The following LAMA1 variants were observed in gnomAD, a reference collection of about 807,000 sequenced individuals.
LAMA1 encodes the protein laminin subunit alpha-1.
LAMA1 carries 219 observed loss-of-function variants against 348.7 expected under a neutral mutation model. The ratio of observed to expected loss-of-function variants is 0.63; its 90% CI spans 0.56 to 0.70. The LOEUF (loss-of-function observed/expected upper bound fraction) is 0.70, where lower values mean the gene tolerates loss of function less well. Among genes scored for constraint, LAMA1 ranks in the 30% least tolerant of loss-of-function variants. LAMA1 has a pLI of 0.00. For synonymous variants in LAMA1, 1,487 were observed against 1,491.0 expected, an observed-to-expected ratio of 1.00 and a Z score of 0.06; for missense variants, 3,744 against 3,888.0, an observed-to-expected ratio of 0.96 and a Z score of 0.99.
At chr18:6,950,046 A>G (rs1442425932) in intron 58 of LAMA1, among the ~76,000 whole-genome samples, 1 of 151,964 alleles carries the variant, frequency 6.6e-6, no homozygotes, top group Admixed American at 6.5e-5. Context: ...TGTAAAACCT[A>G]GGACTGGCAT....
At chr18:7,089,059 G>A (rs1162880735) in intron 1 of LAMA1, among the ~76,000 whole-genome samples, 1 of 151,872 alleles carries the variant, frequency 6.6e-6, no homozygotes, top group East Asian at 1.9e-4. Context: ...TCTGCCAAAG[G>A]GATTAATTGG....
At chr18:6,948,354 A>G (rs1330367050) in intron 60 of LAMA1, 49 bp downstream of exon 60, 2 of 1,612,544 alleles carry the variant, frequency 1.2e-6, no homozygotes, top group African/African-American at 1.3e-5. Context: ...ATCGCTTTAG[A>G]GTACAGACTC....
intron 29 of LAMA1, among the ~76,000 whole-genome samples, chr18:7,003,400 A>G (rs762211113): frequency 1.1e-4 from 17 of 151,948 alleles, no homozygotes; most frequent in Non-Finnish European, 1.6e-4. Flanking sequence ...ACAGGTGCCC[A>G]CCACCACAAC....
Position 7,026,096 on chromosome 18 carries a change from T to C in LAMA1, c.2285A>G (p.His762Arg). 6.2e-7 allele frequency: 1 copy of C among 1,611,390 alleles called. No individual in the cohort carries two copies. Among genetic ancestry groups the C allele is most frequent in the South Asian group, 1.1e-5 (1 of 90,490 alleles). ...NVHGVCIACA[H>R]NTTGVHCEQC... ...CTCACAGTGGACGCCGGTGGTGTTG[T>C]GCGCACACGCCTAGGAACATGCACC... The change falls in exon 17 of 63, where the codon CAC becomes CGC. Residue 762 changes from histidine to arginine, a missense_variant. By Grantham distance (29) the His-to-Arg change is conservative. Around this residue, in one of 3 missense-constraint regions of LAMA1, gnomAD observed 1,529 missense variants for 1,689.4 expected, o/e 0.91. Transcript: ENST00000389658.
chr18:6,961,364 C>T (rs1355387698), intron 53 of LAMA1, among the ~76,000 whole-genome samples: 3 of 152,136 alleles, frequency 2.0e-5, no homozygotes, highest in Admixed American at 1.3e-4. Flanking sequence ...ATAACTTTTT[C>T]CTCAGTCACC....
Position 7,042,182 on chromosome 18 carries a change from G to A in LAMA1, c.1224C>T (p.Val408=), listed in dbSNP as rs1228711533. ...NCDPVGSLSS[V]CIKDDLHSDL... Reference sequence around the variant, plus strand: ...CAGAATGGAGGTCATCCTTAATACAGACAGAACTGAGGGACCCCACAGGGT... The same window carrying A: ...CAGAATGGAGGTCATCCTTAATACAAACAGAACTGAGGGACCCCACAGGGT... The change falls in exon 9 of 63, where the codon GTC becomes GTT. Residue 408 remains valine, a synonymous_variant. Transcript: ENST00000389658. 1.2e-6 allele frequency: 2 copies of A among 1,612,610 alleles called. No individual in the cohort carries two copies. The highest frequency in any genetic ancestry group is 2.2e-5 in the East Asian group (1 of 44,888).
At chr18:6,965,630 T>C (rs1436414535) in intron 49 of LAMA1, 198 bp from the exon 50 acceptor site, 22 of 592,974 alleles carry the variant, frequency 3.7e-5, no homozygotes, top group Non-Finnish European at 6.3e-5. Flanking sequence ...ATAAATGAAA[T>C]GTCATCTGTT....
At chr18:7,039,494 C>T (rs1031536366) in intron 10 of LAMA1, among the ~76,000 whole-genome samples, 24 of 152,252 alleles carry the variant, frequency 1.6e-4, no homozygotes, top group Admixed American at 1.3e-3. Context: ...AGCATATCTG[C>T]GTTTAATTGG....
At chr18:6,994,648 G>A (rs1333834309) in intron 34 of LAMA1, among the ~76,000 whole-genome samples, 1 of 149,720 alleles carries the variant, frequency 6.7e-6, no homozygotes, top group African/African-American at 2.5e-5. Flanking sequence ...ACATCCATAT[G>A]TATAGATACA....
At chr18:7,014,948 G>C (rs192966309) in intron 22 of LAMA1, among the ~76,000 whole-genome samples, 1 of 151,932 alleles carries the variant, frequency 6.6e-6, no homozygotes, top group African/African-American at 2.4e-5. Context: ...CCGGGTTCAC[G>C]TCGTTCTCCT....
At position 6,997,875 on chromosome 18, in the gene LAMA1, T is replaced by C. The variant is rs1397230461; in HGVS notation, c.4673A>G (p.Asp1558Gly). ...LMETDCVSCD[D>G]ECVGVLLNDL... ...ATTCAGCAGCACACCTACACACTCA[T>C]CATCACAGGCTACAAGACAAATTTT... Residue 1558 changes from aspartate to glycine, a missense_variant, in exon 33 of 63, where the codon GAT becomes GGT. Physicochemically the swap from Asp to Gly is moderately conservative, Grantham distance 94 (BLOSUM62 -1). Coordinates refer to ENST00000389658, the MANE Select transcript of LAMA1 (RefSeq NM_005559.4). 2 of 1,614,116 alleles carry C rather than the reference T, an allele frequency of 1.2e-6. No homozygotes were observed. The highest frequency in any genetic ancestry group is 1.1e-5 in the South Asian group (1 of 91,078).
rs73390531 is a variant in LAMA1 at position 6,959,383 on chromosome 18, C to T, written c.7736G>A (p.Ser2579Asn). ...ALLHAPTGTCSDGQAHSISLV... is the reference protein window; with the variant it reads ...ALLHAPTGTCNDGQAHSISLV... ...GGAGATGGAATGCGCTTGTCCATCA[C>T]TGCAGGTACCCGTGGGAGCGTGCAG... The change falls in exon 54 of 63, where the codon AGT becomes AAT. Residue 2579 changes from serine (S) to asparagine (N), a missense_variant. Physicochemically the swap from Ser to Asn is conservative, Grantham distance 46 (BLOSUM62 1). Coordinates refer to ENST00000389658, the MANE Select transcript of LAMA1 (RefSeq NM_005559.4). 2,185 of 1,614,164 alleles carry T rather than the reference C, an allele frequency of 1.4e-3. 24 individuals are homozygous for T. The African/African-American group carries it at 0.025, about 19-fold the overall frequency.
chr18:6,997,828 CAT>C lies in LAMA1; in HGVS notation c.4718_4719del (p.Asp1573GlyfsTer26). On this transcript the variant is annotated frameshift_variant, in exon 33 of 63. Coordinates refer to ENST00000389658, the MANE Select transcript of LAMA1 (RefSeq NM_005559.4). LOFTEE classifies it high-confidence loss of function. The stretch of plus-strand genomic sequence containing the variant: ...CCAGTGAGGTTCAGAGAAAGAACGG[CAT>C]CACCAATCTCATCCAAGTCATTCAG... ...VLLNDLDEIG[D>X]AVLSLNLTGI... is the part of the protein sequence containing the mutation. 3 of 1,614,116 alleles carry C rather than the reference CAT, an allele frequency of 1.9e-6. No individual in the cohort carries two copies. Among genetic ancestry groups the C allele is most frequent in the Non-Finnish European group, 2.5e-6 (3 of 1,179,942 alleles).
rs1568022723 is a variant in LAMA1 at position 6,994,690 on chromosome 18, CACACACACAT to C, written c.4896+657_4896+666del. On this transcript the variant is annotated intron_variant, in intron 34 of 62. Transcript: ENST00000389658. ...CAGTACAGACACACACACACACACA[CACACACACAT>C]ACAAAATTCATAAATGAAAAAACAG... Among the ~76,000 whole-genome samples the C allele has an allele frequency of 2.1e-5, 3 of 139,974 alleles. 1 individual carries two copies. Among genetic ancestry groups the C allele is most frequent in the Non-Finnish European group, 4.6e-5 (3 of 64,554 alleles). The allele number at this position is 139,974 out of a possible 152,430, so 91.8% of individuals were successfully genotyped here.
At chr18:7,099,033 A>G (rs1389478195) in intron 1 of LAMA1, among the ~76,000 whole-genome samples, 1 of 152,090 alleles carries the variant, frequency 6.6e-6, no homozygotes, top group Non-Finnish European at 1.5e-5. Context: ...AAAGGGGGGA[A>G]AGGCGGGGAA....
chr18:6,970,614 C>T (rs887028560), intron 48 of LAMA1, among the ~76,000 whole-genome samples: 1 of 151,996 alleles, frequency 6.6e-6, no homozygotes, highest in Non-Finnish European at 1.5e-5. Flanking sequence ...AATCACCAAA[C>T]CTCTGGTCCT....
intron 19 of LAMA1, among the ~76,000 whole-genome samples, chr18:7,021,267 G>A (rs1275347000): frequency 4.6e-5 from 7 of 152,106 alleles, no homozygotes; most frequent in East Asian, 3.9e-4. Context: ...GTCATTCATC[G>A]CCTTGACCTT....
intron 46 of LAMA1, 98 bp from the exon 47 acceptor site, chr18:6,973,305 A>C: frequency 8.7e-7 from 1 of 1,148,436 alleles, no homozygotes; most frequent in Non-Finnish European, 1.3e-6. Context: ...CTTCTCCCCA[A>C]GGGCCCTGCA....
intron 3 of LAMA1, among the ~76,000 whole-genome samples, chr18:7,053,108 A>C (rs1396273046): frequency 6.6e-6 from 1 of 152,208 alleles, no homozygotes; most frequent in Non-Finnish European, 1.5e-5. Flanking sequence ...ATATGATTCC[A>C]ACTGTATGAC....
Sources: allele counts gnomAD v4.1 joint callset (sites outside exome capture counted in the v4.1 genomes callset), GRCh38; gene constraint gnomAD v4.1.1; regional missense constraint gnomAD v4.1.1; transcripts MANE v1.5; gene names NCBI Gene and HGNC (gene_info 2026-07-23, HGNC 2026-07-21).